CCDC102B: variants seen among roughly 807,000 people sequenced by gnomAD.
CCDC102B encodes the protein coiled-coil domain-containing protein 102B.
In CCDC102B, 75 loss-of-function variants were observed where a neutral mutation model predicts 57.4. That is an observed-to-expected ratio of 1.31 (90% CI 1.08 to 1.58). The LOEUF is 1.58. CCDC102B is among the 40% of genes most tolerant of loss of function. CCDC102B has a pLI of 0.00. For missense variants in CCDC102B, 636 were observed against 582.6 expected (o/e 1.09, Z -0.94); for synonymous variants, 206 against 201.9 (o/e 1.02, Z -0.17).
At chr18:68,789,170 T>G (rs1024150074) in intron 2 of CCDC102B, among the ~76,000 whole-genome samples, 1 of 152,206 alleles carries the variant, frequency 6.6e-6, no homozygotes, top group African/African-American at 2.4e-5. Flanking sequence ...CACTCTCTTC[T>G]GGCTTGTAGC....
At chr18:68,911,680 A>G (rs989913110) in intron 6 of CCDC102B, among the ~76,000 whole-genome samples, 7 of 130,176 alleles carry the variant, frequency 5.4e-5, no homozygotes, top group South Asian at 2.7e-4. Flanking sequence ...TGAACCCGGG[A>G]GGCGGAGCTT....
intron 6 of CCDC102B, among the ~76,000 whole-genome samples, chr18:68,938,747 T>C (rs1045142280): frequency 6.6e-6 from 1 of 151,660 alleles, no homozygotes; most frequent in Non-Finnish European, 1.5e-5. Context: ...ATTCCAAATC[T>C]ATGCACTCTT....
At chr18:68,775,412 G>A (rs1000456497) in intron 2 of CCDC102B, among the ~76,000 whole-genome samples, 2 of 151,926 alleles carry the variant, frequency 1.3e-5, no homozygotes, top group African/African-American at 4.8e-5. Flanking sequence ...CATTGTGTTT[G>A]CTTGATATGT....
chr18:69,016,353 AAG>A (rs1459531593), intron 7 of CCDC102B, among the ~76,000 whole-genome samples: 9 of 152,314 alleles, frequency 5.9e-5, no homozygotes, highest in Middle Eastern at 3.4e-3. Flanking sequence ...TCTAGTATCT[AAG>A]AGGCAATGAG....
At chr18:68,767,027 G>A (rs1432889773) in intron 2 of CCDC102B, among the ~76,000 whole-genome samples, 1 of 152,180 alleles carries the variant, frequency 6.6e-6, no homozygotes, top group South Asian at 2.1e-4. Context: ...GGTAAATGCA[G>A]ATTATAAAAC....
rs1491239592 is a variant in CCDC102B, at chr18:68,956,428, TAC to T, written c.1264-54504_1264-54503del. Among the ~76,000 whole-genome samples the T allele has an allele frequency of 2.1e-4, 10 of 47,908 alleles. No individual in the cohort carries two copies. In the South Asian group the frequency reaches 2.7e-3, roughly 13 times the overall value. 31.4% of individuals were successfully genotyped at this position (47,908 alleles called of 152,430 possible). ...TATTTTATATATATTATATATATTA[TAC>T]ATTTTATATATATTATATATATTAT... On this transcript the variant is annotated intron_variant, in intron 6 of 7. Coordinates refer to ENST00000360242, the MANE Select transcript of CCDC102B (RefSeq NM_024781.3).
chr18:68,957,053 C>T (rs2049919840), intron 6 of CCDC102B, among the ~76,000 whole-genome samples: 1 of 151,960 alleles, frequency 6.6e-6, no homozygotes, highest in Middle Eastern at 3.2e-3. Context: ...GGATAGTATG[C>T]AAATATTTTC....
In CCDC102B at chr18:68,991,108, A is replaced by G. The variant is rs565177052; in HGVS notation, c.1264-19826A>G. On this transcript the variant is annotated intron_variant, in intron 6 of 7. Coordinates refer to ENST00000360242, the MANE Select transcript of CCDC102B (RefSeq NM_024781.3). ...TCTAACCACTTCCCTGTTGTCACCT[A>G]TATTGGCCCTTCTGCTTTTTTTTTT... 4.1e-4 allele frequency among the ~76,000 whole-genome samples: 55 copies of G among 134,030 alleles called. No homozygotes were observed. The Middle Eastern group carries it at 0.021, about 50-fold the overall frequency. 87.9% of individuals were successfully genotyped at this position (134,030 alleles called of 152,430 possible). A position where few individuals can be genotyped will look rare whatever the true frequency, so the allele number is the denominator to read the frequency against.
intron 6 of CCDC102B, among the ~76,000 whole-genome samples, chr18:68,948,603 T>A (rs2049605058): frequency 6.6e-6 from 1 of 152,064 alleles, no homozygotes; most frequent in Non-Finnish European, 1.5e-5. Flanking sequence ...CAATGATGGA[T>A]CTCTGGTCAT....
At chr18:68,771,907 C>CACACACACACAT (rs1555699095) in intron 2 of CCDC102B, among the ~76,000 whole-genome samples, 1 of 151,404 alleles carries the variant, frequency 6.6e-6, no homozygotes, top group Admixed American at 6.6e-5. Flanking sequence ...CACACACACA[C>CACACACACACAT]ATCTTCTGGA....
At chr18:68,719,109 A>G (rs2032185761) in intron 2 of CCDC102B, among the ~76,000 whole-genome samples, 1 of 152,214 alleles carries the variant, frequency 6.6e-6, no homozygotes, top group South Asian at 2.1e-4. Flanking sequence ...AAACTTGTTC[A>G]AAAACTAAAA....
intron 7 of CCDC102B, among the ~76,000 whole-genome samples, chr18:69,028,282 T>C (rs528593239): frequency 6.6e-6 from 1 of 152,166 alleles, no homozygotes; most frequent in Admixed American, 6.5e-5. Flanking sequence ...AGAAAGAGCA[T>C]CTGTGAAGGC....
At chr18:68,830,611 A>G (rs1365117413) in intron 1 of CCDC102B, among the ~76,000 whole-genome samples, 3 of 151,320 alleles carry the variant, frequency 2.0e-5, no homozygotes, top group African/African-American at 7.3e-5. Flanking sequence ...ATATACATGT[A>G]TATGTATATA....
At chr18:68,873,895 T>C (rs1423975046) in intron 4 of CCDC102B, among the ~76,000 whole-genome samples, 1 of 151,552 alleles carries the variant, frequency 6.6e-6, no homozygotes, top group Non-Finnish European at 1.5e-5. Context: ...GCTTAAAATA[T>C]ATGTCAATGC....
chr18:68,757,840 A>G (rs1342427207), intron 2 of CCDC102B, among the ~76,000 whole-genome samples: 1 of 152,154 alleles, frequency 6.6e-6, no homozygotes, highest in Non-Finnish European at 1.5e-5. Flanking sequence ...TCTGTCCCCA[A>G]AGTCAGTGCA....
At chr18:68,836,696 T>A in intron 1 of CCDC102B, 53 bp from the exon 2 acceptor site, 1 of 1,405,640 alleles carries the variant, frequency 7.1e-7, no homozygotes, top group Non-Finnish European at 9.6e-7. Context: ...GTCTTGTTCC[T>A]GTATTTACAA....
In CCDC102B at chr18:68,901,904, A is replaced by G. The variant is rs1432784283; in HGVS notation, c.1263+4476A>G. Among the ~76,000 whole-genome samples, 3 of 152,118 alleles carry G rather than the reference A, an allele frequency of 2.0e-5. No homozygotes were observed. In the East Asian group the frequency reaches 5.8e-4, roughly 29 times the overall value. The stretch of plus-strand genomic sequence containing the variant: ...TAATATTTTTGGGAAGTTGATGGAA[A>G]ACTTCCTACTGTCGATGTAAGATAT... On this transcript the variant is annotated intron_variant, in intron 6 of 7. Transcript: ENST00000360242.
intron 7 of CCDC102B, among the ~76,000 whole-genome samples, chr18:69,022,792 A>G (rs1423824653): frequency 3.3e-5 from 5 of 151,968 alleles, no homozygotes; most frequent in Non-Finnish European, 7.4e-5. Flanking sequence ...TTTTGTGTGT[A>G]TGTATTTTAA....
At chr18:68,934,989 A>G (rs973558809) in intron 6 of CCDC102B, among the ~76,000 whole-genome samples, 2 of 151,952 alleles carry the variant, frequency 1.3e-5, no homozygotes, top group African/African-American at 2.4e-5. Context: ...GGTGAGTCCT[A>G]TGGAGAAACA....
Sources: gnomAD v4.1 joint callset for allele counts (sites outside exome capture counted in the v4.1 genomes callset) on GRCh38, gnomAD v4.1.1 for gene constraint, MANE v1.5 for transcripts, NCBI Gene and HGNC (gene_info 2026-07-23, HGNC 2026-07-21) for gene names.